ELP4: variants seen among roughly 807,000 people sequenced by gnomAD.
The protein encoded by ELP4 is elongator acetyltransferase complex subunit 4.
Under a neutral mutation model 48.9 loss-of-function variants are expected in ELP4, and 51 were observed. The observed-to-expected ratio is 1.04, with a 90% confidence interval of 0.83 to 1.32. The LOEUF (loss-of-function observed/expected upper bound fraction) is 1.32. Among genes scored for constraint, ELP4 ranks in the 40% most tolerant of loss-of-function variants. ELP4 has a pLI of 0.00. For missense variants in ELP4, 519 were observed against 514.6 expected (o/e 1.01, Z -0.08); for synonymous variants, 210 against 189.2 (o/e 1.11, Z -0.90).
At chr11:31,760,248 G>A (rs1384014294) in intron 9 of ELP4, among the ~76,000 whole-genome samples, 1 of 152,176 alleles carries the variant, frequency 6.6e-6, no homozygotes, top group African/African-American at 2.4e-5. Context: ...TGACTAAGCA[G>A]TATCTCATTT....
intron 5 of ELP4, among the ~76,000 whole-genome samples, chr11:31,626,041 T>C (rs1944736662): frequency 6.6e-6 from 1 of 151,900 alleles, no homozygotes; most frequent in South Asian, 2.1e-4. Context: ...GTTTTGTTTT[T>C]GCAAGATAGA....
chr11:31,691,921 CATG>C (rs1239473860), intron 9 of ELP4, among the ~76,000 whole-genome samples: 3 of 152,084 alleles, frequency 2.0e-5, no homozygotes, highest in Non-Finnish European at 4.4e-5. Flanking sequence ...GAGTAATAAA[CATG>C]ATATTGAAAC....
chr11:31,653,984 C>T (rs941829539), intron 9 of ELP4: 10 of 151,658 alleles, frequency 6.6e-5, no homozygotes, highest in Admixed American at 2.6e-4. Flanking sequence ...ATAAGTGCAA[C>T]ATTTTCACTT....
At chr11:31,778,461 A>G (rs1001502382) in intron 9 of ELP4, among the ~76,000 whole-genome samples, 1 of 152,184 alleles carries the variant, frequency 6.6e-6, no homozygotes, top group Admixed American at 6.5e-5. Context: ...TTGTAGATTG[A>G]TTTCCTTGAC....
At chr11:31,607,442 G>T (rs1957897035) in intron 5 of ELP4, among the ~76,000 whole-genome samples, 1 of 152,164 alleles carries the variant, frequency 6.6e-6, no homozygotes. Context: ...ATTCTCCAAA[G>T]GAGAGAAATG....
At chr11:31,552,656 T>C (rs553445213) in intron 3 of ELP4, among the ~76,000 whole-genome samples, 1 of 152,270 alleles carries the variant, frequency 6.6e-6, no homozygotes, top group South Asian at 2.1e-4. Context: ...CATAAATTGT[T>C]TATTGCTTGG....
chr11:31,627,207 T>C lies in ELP4; in HGVS notation c.738+13T>C. The C allele has an allele frequency of 8.4e-7, 1 of 1,196,250 alleles. No individual in the cohort carries two copies. Among genetic ancestry groups the C allele is most frequent in the Non-Finnish European group, 1.1e-6 (1 of 880,772 alleles). 74.1% of individuals were successfully genotyped at this position (1,196,250 alleles called of 1,614,324 possible). On this transcript the variant is annotated intron_variant, in intron 6 of 9. Transcript: ENST00000640961. ...ATCCAATCCTCAGGTATTAAATAGCTTCAAAGTCTTTTATAATTATTTATA... is the reference window on the plus strand; with the variant it reads ...ATCCAATCCTCAGGTATTAAATAGCCTCAAAGTCTTTTATAATTATTTATA...
chr11:31,689,396 G>C (rs1179374346), intron 9 of ELP4: 1 of 148,664 alleles, frequency 6.7e-6, no homozygotes, highest in Non-Finnish European at 1.5e-5. Context: ...GTGAGGTTCA[G>C]TTGTGTCACT....
chr11:31,697,419 T>C (rs1946433120), intron 9 of ELP4, among the ~76,000 whole-genome samples: 1 of 152,086 alleles, frequency 6.6e-6, no homozygotes, highest in Admixed American at 6.6e-5. Context: ...TTTCTTGGGT[T>C]TTTTTTGATA....
chr11:31,683,722 T>G (rs1176096029), intron 9 of ELP4, among the ~76,000 whole-genome samples: 7 of 152,212 alleles, frequency 4.6e-5, no homozygotes, highest in Non-Finnish European at 8.8e-5. Context: ...ACATTGTTTC[T>G]ATTTTAAAGA....
chr11:31,613,078 AAGGC>A (rs1958011940), intron 5 of ELP4, among the ~76,000 whole-genome samples: 2 of 152,174 alleles, frequency 1.3e-5, no homozygotes, highest in Admixed American at 6.6e-5. Context: ...ATTAGGGTCT[AAGGC>A]TAATGGAAGC....
intron 7 of ELP4, chr11:31,637,445 ATAT>A (rs1332845841): frequency 6.6e-6 from 1 of 151,976 alleles, no homozygotes; most frequent in Admixed American, 6.6e-5. Flanking sequence ...CTCTTCCTAC[ATAT>A]TATTATAATT....
At chr11:31,598,699 G>A (rs1294806433) in intron 4 of ELP4, among the ~76,000 whole-genome samples, 4 of 151,434 alleles carry the variant, frequency 2.6e-5, no homozygotes, top group Admixed American at 2.0e-4. Context: ...TAGAGATAGG[G>A]TCTCACTATG....
At chr11:31,558,129 C>A (rs78436401) in intron 3 of ELP4, among the ~76,000 whole-genome samples, 2 of 151,716 alleles carry the variant, frequency 1.3e-5, no homozygotes, top group Non-Finnish European at 2.9e-5. Flanking sequence ...CTGTTTGACC[C>A]CAGGGTTTCA....
intron 9 of ELP4, among the ~76,000 whole-genome samples, chr11:31,718,890 C>T (rs1054153448): frequency 6.6e-6 from 1 of 152,146 alleles, no homozygotes; most frequent in Admixed American, 6.5e-5. Flanking sequence ...AAATTAAGCC[C>T]TGACACTTAA....
intron 4 of ELP4, among the ~76,000 whole-genome samples, chr11:31,597,544 G>A (rs947725980): frequency 2.6e-5 from 4 of 152,118 alleles, no homozygotes; most frequent in African/African-American, 9.7e-5. Flanking sequence ...GGCCTTAATG[G>A]TGACTGTATT....
intron 2 of ELP4, among the ~76,000 whole-genome samples, chr11:31,521,061 A>C (rs993288996): frequency 6.6e-5 from 10 of 152,196 alleles, no homozygotes; most frequent in African/African-American, 2.2e-4. Flanking sequence ...CTAAGGTAAC[A>C]AAAAAAGTAT....
At chr11:31,756,567 T>C (rs1325660392) in intron 9 of ELP4, among the ~76,000 whole-genome samples, 1 of 152,220 alleles carries the variant, frequency 6.6e-6, no homozygotes, top group East Asian at 1.9e-4. Flanking sequence ...TCTCTTTAAG[T>C]GTACTTTCAG....
chr11:31,705,288 C>T (rs1421332357), intron 9 of ELP4, among the ~76,000 whole-genome samples: 1 of 152,058 alleles, frequency 6.6e-6, no homozygotes, highest in East Asian at 1.9e-4. Flanking sequence ...CTCTCTTCCT[C>T]CTCTTATAAA....
Sources: gnomAD v4.1 joint callset for allele counts (sites outside exome capture counted in the v4.1 genomes callset) on GRCh38, gnomAD v4.1.1 for gene constraint, MANE v1.5 for transcripts, NCBI Gene and HGNC (gene_info 2026-07-23, HGNC 2026-07-21) for gene names.